CYP2C19: variants seen among roughly 807,000 people sequenced by gnomAD.
CYP2C19 encodes the protein cytochrome P450 family 2 subfamily C member 19.
Under a neutral mutation model 40.9 loss-of-function variants are expected in CYP2C19, and 59 were observed. The observed-to-expected ratio is 1.44, with a 90% CI of 1.17 to 1.79. CYP2C19 has a LOEUF of 1.79. Among genes scored for constraint, CYP2C19 ranks in the 40% most tolerant of loss-of-function variants. CYP2C19 has a pLI of 0.00. For missense variants in CYP2C19, 754 were observed against 596.9 expected (o/e 1.26, Z -2.74); for synonymous variants, 253 against 208.7 (o/e 1.21, Z -1.83).
chr10:94,842,106 T>C (rs1849504140), intron 6 of CYP2C19, among the ~76,000 whole-genome samples: 1 of 152,196 alleles, frequency 6.6e-6, no homozygotes, highest in African/African-American at 2.4e-5. Flanking sequence ...TCTCCAGCTA[T>C]TATTGTATTG....
intron 6 of CYP2C19, among the ~76,000 whole-genome samples, chr10:94,831,516 C>G (rs940618641): frequency 3.3e-5 from 5 of 152,186 alleles, no homozygotes; most frequent in Non-Finnish European, 7.4e-5. Context: ...TACATTCCCA[C>G]CAACGTTGTA....
Position 94,800,473 on chromosome 10 carries a change from G to T in CYP2C19, c.819+18476G>T, listed in dbSNP as rs555609478. Among the ~76,000 whole-genome samples the T allele has an allele frequency of 2.7e-3, 415 of 152,344 alleles. 2 individuals carry two copies. The highest frequency in any genetic ancestry group is 9.6e-3 in the African/African-American group (399 of 41,584). On this transcript the variant is annotated intron_variant, in intron 5 of 8. Transcript: ENST00000371321. ...GAGTTGTCTCCCAGTTAGGCTACACGGGGTTCAGGTACCCACTTGAGGTGG... is the reference window on the plus strand; with the variant it reads ...GAGTTGTCTCCCAGTTAGGCTACACTGGGTTCAGGTACCCACTTGAGGTGG...
At chr10:94,850,100 T>C (rs1370480567) in intron 8 of CYP2C19, 42 bp downstream of exon 8, 4 of 1,610,868 alleles carry the variant, frequency 2.5e-6, no homozygotes, top group South Asian at 2.2e-5. Context: ...GGGTACAAGA[T>C]AACTTTTTTG....
intron 5 of CYP2C19, among the ~76,000 whole-genome samples, chr10:94,792,473 T>C (rs1368905770): frequency 6.6e-6 from 1 of 152,162 alleles, no homozygotes; most frequent in Non-Finnish European, 1.5e-5. Context: ...ATTTGACACT[T>C]TTTTACAGTG....
Position 94,781,997 on chromosome 10 carries a change from G to A in CYP2C19, c.819G>A (p.Lys273=), listed in dbSNP as rs1262244551. ...ATTGCTTCCTGATCAAAATGGAGAA[G>A]GTAAAATGTTAACAAAAGCTTAGTT... The part of the protein sequence containing the change: ...FIDCFLIKME[K]EKQNQQSEFT... Residue 273 remains lysine, a splice_region_variant and synonymous_variant, in exon 5 of 9, where the codon AAG becomes AAA. Transcript: ENST00000371321. The A allele has an allele frequency of 3.3e-6, 5 of 1,533,886 alleles. No individual in the cohort carries two copies. Among genetic ancestry groups the A allele is most frequent in the African/African-American group, 1.4e-5 (1 of 69,888 alleles).
chr10:94,809,687 A>G (rs528346451), intron 5 of CYP2C19, among the ~76,000 whole-genome samples: 1 of 152,082 alleles, frequency 6.6e-6, no homozygotes, highest in Admixed American at 6.6e-5. Flanking sequence ...ATTCAGTATA[A>G]TTTTGGCTGT....
At chr10:94,840,028 T>G (rs1000266480) in intron 6 of CYP2C19, among the ~76,000 whole-genome samples, 6 of 152,100 alleles carry the variant, frequency 3.9e-5, no homozygotes, top group African/African-American at 1.2e-4. Flanking sequence ...ACTGGTGAGG[T>G]GTGCTCACAA....
rs777031765 is a variant in CYP2C19, at chr10:94,762,881, T to C, written c.168+8T>C. The C allele has an allele frequency of 6.2e-7, 1 of 1,612,418 alleles. No individual in the cohort carries two copies. Among genetic ancestry groups the C allele is most frequent in the South Asian group, 1.1e-5 (1 of 91,044 alleles). ...AGCAAATCCTTAACCAATGTAAGTA[T>C]GCTCCTTCAGTGGCTTGCAAAAGGT... is the stretch of plus-strand genomic sequence containing the variant. On this transcript the variant is annotated splice_region_variant and intron_variant, in intron 1 of 8. Transcript: ENST00000371321.
intron 5 of CYP2C19, among the ~76,000 whole-genome samples, chr10:94,797,457 G>A (rs1848705553): frequency 1.3e-5 from 2 of 151,092 alleles, no homozygotes; most frequent in African/African-American, 2.4e-5. Context: ...AATTTTTTGT[G>A]TGTGTGTCTC....
chr10:94,798,113 C>T (rs1204225184), intron 5 of CYP2C19, among the ~76,000 whole-genome samples: 2 of 152,048 alleles, frequency 1.3e-5, no homozygotes, highest in African/African-American at 2.4e-5. Flanking sequence ...TTTCTGCTTT[C>T]TCTTGTGCAT....
chr10:94,815,252 G>A (rs1360892419), intron 5 of CYP2C19, among the ~76,000 whole-genome samples: 1 of 151,888 alleles, frequency 6.6e-6, no homozygotes, highest in Admixed American at 6.6e-5. Context: ...CCAAGGGAGA[G>A]GACTGTCTTT....
chr10:94,852,750 G>T lies in CYP2C19; in HGVS notation c.1309G>T (p.Gly437Ter), dbSNP rs1437042029. Residue 437 changes from glycine to a stop codon, truncating the protein, a stop_gained, in exon 9 of 9, where the codon GGA becomes TGA. Transcript: ENST00000371321. LOFTEE classifies it low-confidence loss of function (END_TRUNC). ...PFSAGKRICV[G>*]EGLARMELFL... is the part of the protein sequence containing the mutation. ...ATTTTCAGGAAAACGGATTTGTGTG[G>T]GAGAGGGCCTGGCCCGCATGGAGCT... The T allele has an allele frequency of 1.2e-6, 2 of 1,613,836 alleles. No homozygotes were observed. Among genetic ancestry groups the T allele is most frequent in the African/African-American group, 1.3e-5 (1 of 74,878 alleles).
chr10:94,766,188 A>T (rs1848240278), intron 1 of CYP2C19, among the ~76,000 whole-genome samples: 1 of 152,074 alleles, frequency 6.6e-6, no homozygotes, highest in South Asian at 2.1e-4. Context: ...GCAGAGGTTG[A>T]TAGATACAAA....
chr10:94,851,300 C>G (rs1277903872), intron 8 of CYP2C19, among the ~76,000 whole-genome samples: 4 of 148,602 alleles, frequency 2.7e-5, no homozygotes, highest in Non-Finnish European at 3.0e-5. Context: ...CTCATGAGAA[C>G]TCACTCACTA....
chr10:94,769,396 G>T (rs943823975), intron 1 of CYP2C19, among the ~76,000 whole-genome samples: 2 of 152,186 alleles, frequency 1.3e-5, no homozygotes, highest in African/African-American at 4.8e-5. Context: ...TGGTCTGAGG[G>T]ATCCTCAAAG....
chr10:94,839,041 A>C (rs1227930908), intron 6 of CYP2C19, among the ~76,000 whole-genome samples: 1 of 152,174 alleles, frequency 6.6e-6, no homozygotes, highest in Non-Finnish European at 1.5e-5. Context: ...ATCTGAAAAA[A>C]GAACATAGGG....
At chr10:94,797,086 G>A (rs1210280711) in intron 5 of CYP2C19, among the ~76,000 whole-genome samples, 2 of 152,148 alleles carry the variant, frequency 1.3e-5, no homozygotes, top group African/African-American at 4.8e-5. Context: ...CAAAGGGAAT[G>A]CTTCCAGTTT....
chr10:94,806,125 A>G (rs1848832420), intron 5 of CYP2C19, among the ~76,000 whole-genome samples: 2 of 150,142 alleles, frequency 1.3e-5, no homozygotes, highest in African/African-American at 4.9e-5. Flanking sequence ...TATGCTGGGT[A>G]CCTCATAGAA....
At chr10:94,841,378 C>T (rs893255170) in intron 6 of CYP2C19, among the ~76,000 whole-genome samples, 3 of 152,138 alleles carry the variant, frequency 2.0e-5, no homozygotes, top group Non-Finnish European at 2.9e-5. Flanking sequence ...AAGTCTGCAG[C>T]GGGTTTGCGA....
Sources: allele counts gnomAD v4.1 joint callset (sites outside exome capture counted in the v4.1 genomes callset), GRCh38; gene constraint gnomAD v4.1.1; transcripts MANE v1.5; gene names NCBI Gene and HGNC (gene_info 2026-07-23, HGNC 2026-07-21).